The following FCRL4 variants were observed in gnomAD, a reference collection of about 807,000 sequenced individuals.
FCRL4 encodes Fc receptor-like protein 4.
Under a neutral mutation model 64.1 loss-of-function variants are expected in FCRL4, and 43 were observed. The ratio of observed to expected loss-of-function variants is 0.67; its 90% CI spans 0.53 to 0.87. The LOEUF (loss-of-function observed/expected upper bound fraction) is 0.87, where lower values mean the gene tolerates loss of function less well. Among genes scored for constraint, FCRL4 ranks in the 40% least tolerant of loss-of-function variants. The pLI is 0.00. For missense variants in FCRL4, 656 were observed against 613.5 expected (o/e 1.07, Z -0.73); for synonymous variants, 253 against 239.8 (o/e 1.05, Z -0.51).
At chr1:157,593,566 A>C (rs1463702209) in intron 2 of FCRL4, among the ~76,000 whole-genome samples, 1 of 152,152 alleles carries the variant, frequency 6.6e-6, no homozygotes, top group Non-Finnish European at 1.5e-5. Flanking sequence ...ACATGTATGC[A>C]TGGGCTGTAT....
In FCRL4 at chr1:157,586,153, G is replaced by A. The variant is rs1403036757; in HGVS notation, c.1135+15C>T. The stretch of plus-strand genomic sequence containing the variant: ...TTGCTGAGAATAAATAAGGTCAATA[G>A]AGATTAAAACTCACCTCTCACAGTG... On this transcript the variant is annotated intron_variant, in intron 6 of 11. Coordinates refer to ENST00000271532, the MANE Select transcript of FCRL4 (RefSeq NM_031282.3). The A allele has an allele frequency of 1.1e-5, 18 of 1,593,666 alleles. No individual in the cohort carries two copies. The highest frequency in any genetic ancestry group is 1.4e-5 in the Non-Finnish European group (16 of 1,165,792).
At chr1:157,582,386 C>T (rs1399859437) in intron 6 of FCRL4, among the ~76,000 whole-genome samples, 3 of 152,130 alleles carry the variant, frequency 2.0e-5, no homozygotes, top group Non-Finnish European at 2.9e-5. Flanking sequence ...GAGTTTATAA[C>T]CCAGGGAGGG....
intron 2 of FCRL4, among the ~76,000 whole-genome samples, chr1:157,593,840 CA>C (rs1206815936): frequency 6.6e-6 from 1 of 152,244 alleles, no homozygotes; most frequent in East Asian, 1.9e-4. Flanking sequence ...CGGCTAACAA[CA>C]AAAGTAACTA....
chr1:157,581,970 T>C, intron 6 of FCRL4, among the ~76,000 whole-genome samples: 1 of 152,212 alleles, frequency 6.6e-6, no homozygotes, highest in African/African-American at 2.4e-5. Context: ...TGTGGGATCA[T>C]GGCTTGGCAG....
At position 157,581,513 on chromosome 1, in the gene FCRL4, A is replaced by C; in HGVS notation, c.1249+18T>G. The C allele has an allele frequency of 6.2e-7, 1 of 1,609,358 alleles. No individual in the cohort carries two copies. The highest frequency in any genetic ancestry group is 1.1e-5 in the South Asian group (1 of 90,932). The stretch of plus-strand genomic sequence containing the variant: ...GAAGGAACAGGGCAGGAACTGTGGC[A>C]AAGAAAAGAGCACAAACCTGACTTC... On this transcript the variant is annotated intron_variant, in intron 7 of 11. Coordinates refer to ENST00000271532, the MANE Select transcript of FCRL4 (RefSeq NM_031282.3).
intron 2 of FCRL4, among the ~76,000 whole-genome samples, chr1:157,595,316 C>G (rs1652936920): frequency 6.6e-6 from 1 of 152,212 alleles, no homozygotes; most frequent in Non-Finnish European, 1.5e-5. Context: ...ACCCTACCAG[C>G]TATATTCCTG....
intron 2 of FCRL4, among the ~76,000 whole-genome samples, chr1:157,595,220 A>G (rs1652934284): frequency 6.6e-6 from 1 of 152,258 alleles, no homozygotes; most frequent in Non-Finnish European, 1.5e-5. Context: ...CTTTTTAAAA[A>G]GAAAATTCTG....
chr1:157,590,261 G>A (rs1021050430), intron 2 of FCRL4, among the ~76,000 whole-genome samples: 2 of 152,074 alleles, frequency 1.3e-5, no homozygotes, highest in Admixed American at 6.5e-5. Context: ...GGGTTTTAGA[G>A]TTTGAGTTTT....
intron 10 of FCRL4, 95 bp from the exon 11 acceptor site, chr1:157,575,825 G>T: frequency 1.7e-6 from 2 of 1,179,202 alleles, no homozygotes; most frequent in Non-Finnish European, 2.5e-6. Flanking sequence ...GAGCCACTGG[G>T]CCCTGTCCAC....
rs1167783369 is a variant in FCRL4 at position 157,597,920 on chromosome 1, C to A, written c.25G>T (p.Ala9Ser). Residue 9 changes from alanine (A) to serine (S), a missense_variant, in exon 1 of 12, where the codon GCC (alanine) becomes TCC (serine). Coordinates refer to ENST00000271532, the MANE Select transcript of FCRL4 (RefSeq NM_031282.3). The stretch of plus-strand genomic sequence containing the variant: ...TCTCCTCCCCATCACTTACCAAAGG[C>A]CAGCAAGGACGCCCACAGCAGCATG... The part of the protein sequence containing the change: MLLWASLL[A>S]FAPVCGQSAA... The A allele has an allele frequency of 2.5e-6, 4 of 1,613,314 alleles. No homozygotes were observed. Among genetic ancestry groups the A allele is most frequent in the Non-Finnish European group, 3.4e-6 (4 of 1,179,540 alleles).
At chr1:157,585,382 CTTT>C (rs1558155107) in intron 6 of FCRL4, among the ~76,000 whole-genome samples, 22 of 100,348 alleles carry the variant, frequency 2.2e-4, no homozygotes, top group South Asian at 1.6e-3. Context: ...TTCTTTCTTT[CTTT>C]CTTTCTTTCC....
chr1:157,579,699 AATACATAC>A (rs71084243), intron 8 of FCRL4, among the ~76,000 whole-genome samples: 146 of 123,692 alleles, frequency 1.2e-3, no homozygotes, highest in East Asian at 3.5e-3. Flanking sequence ...CCTGGGTGAC[AATACATAC>A]ATACATACAT....
intron 9 of FCRL4, 79 bp from the exon 10 acceptor site, chr1:157,578,621 C>T: frequency 7.1e-7 from 1 of 1,407,062 alleles, no homozygotes; most frequent in Non-Finnish European, 1.0e-6. Flanking sequence ...GCATCATCTC[C>T]ACTCTTCTTG....
At chr1:157,590,518 C>CTT (rs143709985) in intron 2 of FCRL4, among the ~76,000 whole-genome samples, 9 of 132,388 alleles carry the variant, frequency 6.8e-5, no homozygotes, top group Non-Finnish European at 9.9e-5. Context: ...GTTAGTCTGT[C>CTT]TTTTTTTTTT....
At position 157,589,326 on chromosome 1, in the gene FCRL4, T is replaced by C. The variant is rs754720966; in HGVS notation, c.185A>G (p.Tyr62Cys). 1 of 1,614,148 alleles carries C rather than the reference T, an allele frequency of 6.2e-7. No individual in the cohort carries two copies. The highest frequency in any genetic ancestry group is 8.5e-7 in the Non-Finnish European group (1 of 1,180,030). The part of the protein sequence containing the change: ...TEKTTWYHRH[Y>C]WGEKLTLTPG... ...GGTCAGGGTCAACTTTTCTCCCCAG[T>C]AGTGCCGATGATACCATGTTGTTTT... The change falls in exon 3 of 12, where the codon TAC becomes TGC. Residue 62 changes from tyrosine to cysteine, a missense_variant. Tyr to Cys is a radical substitution (Grantham distance 194). Coordinates refer to ENST00000271532, the MANE Select transcript of FCRL4 (RefSeq NM_031282.3).
intron 6 of FCRL4, among the ~76,000 whole-genome samples, chr1:157,584,677 T>C (rs1375604004): frequency 6.6e-6 from 1 of 152,122 alleles, no homozygotes; most frequent in Non-Finnish European, 1.5e-5. Flanking sequence ...TCTCTTAACC[T>C]GGTGGGCCCT....
intron 10 of FCRL4, among the ~76,000 whole-genome samples, chr1:157,576,294 C>A (rs1652412911): frequency 6.6e-6 from 1 of 152,152 alleles, no homozygotes; most frequent in African/African-American, 2.4e-5. Flanking sequence ...AGCAGCAGAG[C>A]AATTTTATGG....
intron 2 of FCRL4, among the ~76,000 whole-genome samples, chr1:157,592,664 G>A (rs932068770): frequency 2.6e-4 from 39 of 152,204 alleles, no homozygotes; most frequent in African/African-American, 8.9e-4. Context: ...CAACCATTGT[G>A]GAAGACAGTA....
intron 1 of FCRL4, 48 bp downstream of exon 1, chr1:157,597,866 G>A (rs1303537172): frequency 1.3e-6 from 2 of 1,563,920 alleles, no homozygotes; most frequent in Admixed American, 3.4e-5. Context: ...TTTGCTCATG[G>A]TGAGGCTCAG....
Sources: gnomAD v4.1 joint callset for allele counts (sites outside exome capture counted in the v4.1 genomes callset) on GRCh38, gnomAD v4.1.1 for gene constraint, MANE v1.5 for transcripts, NCBI Gene and HGNC (gene_info 2026-07-23, HGNC 2026-07-21) for gene names.